Variants in APAF1 observed in about 807,000 individuals in gnomAD.
APAF1 encodes the protein apoptotic protease-activating factor 1.
In APAF1, 91 loss-of-function variants were observed where a neutral mutation model predicts 152.4. The observed-to-expected ratio is 0.60, with a 90% CI of 0.50 to 0.71. The LOEUF (loss-of-function observed/expected upper bound fraction) is 0.71, where lower values mean the gene tolerates loss of function less well. Among genes scored for constraint, APAF1 ranks in the 30% least tolerant of loss-of-function variants. APAF1 has a pLI of 0.00. For missense variants in APAF1, 1,283 were observed against 1,472.0 expected (o/e 0.87, Z 2.10); for synonymous variants, 484 against 494.1 (o/e 0.98, Z 0.27).
intron 16 of APAF1, among the ~76,000 whole-genome samples, chr12:98,695,149 T>G (rs750711057): frequency 6.0e-5 from 9 of 149,894 alleles, no homozygotes. Context: ...GCCTTTTGGG[T>G]TCAAGCAGTT....
At position 98,727,250 on chromosome 12, in the gene APAF1, C is replaced by T; in HGVS notation, c.3534C>T (p.Gly1178=). Reference sequence around the variant, plus strand: ...AAGAAGGAGCTGCTACCCATGGAGGCTGGGTGACTGACCTTTGCTTTTCTC... The same window carrying T: ...AAGAAGGAGCTGCTACCCATGGAGGTTGGGTGACTGACCTTTGCTTTTCTC... ...LSEEGAATHG[G]WVTDLCFSPD... Residue 1178 remains glycine (G), a synonymous_variant, in exon 26 of 27, where the codon GGC becomes GGT. Coordinates refer to ENST00000551964, the MANE Select transcript of APAF1 (RefSeq NM_181861.2). 6.2e-7 allele frequency: 1 copy of T among 1,614,010 alleles called. No homozygotes were observed. The highest frequency in any genetic ancestry group is 1.3e-5 in the African/African-American group (1 of 75,004).
At chr12:98,729,631 A>G (rs558724107) in intron 26 of APAF1, among the ~76,000 whole-genome samples, 293 of 152,374 alleles carry the variant, frequency 1.9e-3, no homozygotes, top group African/African-American at 6.3e-3. Flanking sequence ...AAGCTTTTTC[A>G]TTCAAAATTG....
At chr12:98,694,653 A>T (rs1429457199) in intron 16 of APAF1, among the ~76,000 whole-genome samples, 1 of 151,932 alleles carries the variant, frequency 6.6e-6, no homozygotes, top group Non-Finnish European at 1.5e-5. Context: ...TTTTATGGGC[A>T]TTAGTAATAG....
At chr12:98,654,447 C>G (rs1351732345) in intron 4 of APAF1, among the ~76,000 whole-genome samples, 1 of 152,006 alleles carries the variant, frequency 6.6e-6, no homozygotes, top group East Asian at 1.9e-4. Flanking sequence ...TGAGACAGAG[C>G]CCCATTCTGA....
In APAF1 at chr12:98,677,438, A is replaced by T. The variant is rs1356953024; in HGVS notation, c.1807A>T (p.Ile603Phe). Reference protein sequence around the residue: ...LYLEWINKKNITNLSRLVVRP... With the variant: ...LYLEWINKKNFTNLSRLVVRP... ...CCCTGTATTTAGAAACAAAAAAAAC[A>T]TCACGAATCTTTCCCGCTTAGTTGT... is the stretch of plus-strand genomic sequence containing the variant. The change falls in exon 13 of 27, where the codon ATC becomes TTC. Residue 603 changes from isoleucine to phenylalanine, a missense_variant. Coordinates refer to ENST00000551964, the MANE Select transcript of APAF1 (RefSeq NM_181861.2). The T allele has an allele frequency of 6.2e-7, 1 of 1,614,080 alleles. No homozygotes were observed. The highest frequency in any genetic ancestry group is 1.1e-5 in the South Asian group (1 of 91,070).
rs773341738 is a variant in APAF1 at position 98,659,348 on chromosome 12, C to T, written c.710+5C>T. 2.9e-5 allele frequency: 47 copies of T among 1,614,050 alleles called. No individual in the cohort carries two copies. The highest frequency in any genetic ancestry group is 3.8e-5 in the Non-Finnish European group (45 of 1,179,954). On this transcript the variant is annotated splice_donor_5th_base_variant and intron_variant, in intron 5 of 26. Coordinates refer to ENST00000551964, the MANE Select transcript of APAF1 (RefSeq NM_181861.2). ...GATGCTTCGCAAACACCCAAGGTAC[C>T]GATGGTCAAATTTAGTTGGTGTGTC...
chr12:98,717,450 G>A (rs2097736241), intron 22 of APAF1, among the ~76,000 whole-genome samples: 1 of 150,156 alleles, frequency 6.7e-6, no homozygotes, highest in Non-Finnish European at 1.5e-5. Flanking sequence ...ACCTTGGCTT[G>A]CTGCAACCTC....
intron 7 of APAF1, among the ~76,000 whole-genome samples, chr12:98,665,245 T>C (rs2372445): frequency 0.9 from 120,925 of 134,288 alleles, 54,661 homozygotes; most frequent in African/African-American, 0.94. Flanking sequence ...TTATATTGCT[T>C]AGACTGGCGC....
At chr12:98,727,396 A>T in intron 26 of APAF1, 80 bp downstream of exon 26, 13 of 1,530,692 alleles carry the variant, frequency 8.5e-6, no homozygotes, top group Non-Finnish European at 1.2e-5. Flanking sequence ...CCTGTTTCTC[A>T]GTTGGGCCTT....
intron 16 of APAF1, among the ~76,000 whole-genome samples, chr12:98,688,565 G>T (rs1161721501): frequency 1.4e-5 from 2 of 148,034 alleles, no homozygotes; most frequent in Admixed American, 1.4e-4. Context: ...TTCACTTCTG[G>T]TCTCAAGCAG....
intron 24 of APAF1, 42 bp from the exon 25 acceptor site, chr12:98,725,373 G>A: frequency 6.2e-7 from 1 of 1,612,766 alleles, no homozygotes; most frequent in South Asian, 1.1e-5. Flanking sequence ...TGCTTATTTT[G>A]AGTGTTTATA....
At chr12:98,708,803 T>C in intron 20 of APAF1, 99 bp downstream of exon 20, 4 of 1,238,132 alleles carry the variant, frequency 3.2e-6, no homozygotes, top group South Asian at 1.3e-5. Context: ...ATAATTATTT[T>C]GTATCTAACA....
intron 12 of APAF1, among the ~76,000 whole-genome samples, chr12:98,675,607 G>C (rs369329547): frequency 6.6e-6 from 1 of 152,150 alleles, no homozygotes; most frequent in Admixed American, 6.5e-5. Flanking sequence ...TGTTTACATA[G>C]CATTTACATT....
chr12:98,664,853 A>G (rs957288448), intron 7 of APAF1, among the ~76,000 whole-genome samples: 1 of 151,346 alleles, frequency 6.6e-6, no homozygotes, highest in South Asian at 2.1e-4. Context: ...CCCTTTTTCT[A>G]TATCTTGAGC....
chr12:98,732,565 A>C lies in APAF1; in HGVS notation c.3746A>C (p.Ter1249SerextTer3). Residue 1249 changes from the stop codon to serine (S), a stop_lost, in exon 27 of 27, where the codon TAA becomes TCA. Coordinates refer to ENST00000551964, the MANE Select transcript of APAF1 (RefSeq NM_181861.2). ...TTATATATTTTACAGACTTTAGAAT[A>C]AAATAGTTAAGCATTAATGTAGTTG... ...GILYILQTLE[*>S] is the part of the protein sequence containing the mutation. 1 of 1,551,228 alleles carries C rather than the reference A, an allele frequency of 6.4e-7. No individual in the cohort carries two copies. The highest frequency in any genetic ancestry group is 8.9e-7 in the Non-Finnish European group (1 of 1,125,062).
At position 98,658,639 on chromosome 12, in the gene APAF1, G is replaced by A. The variant is rs76371171; in HGVS notation, c.527-521G>A. On this transcript the variant is annotated intron_variant, in intron 4 of 26. Coordinates refer to ENST00000551964, the MANE Select transcript of APAF1 (RefSeq NM_181861.2). ...ATAATGGGTGAGTTATATGTTCCAG[G>A]ACATCAGTAGTTCTCAACGAGGGGT... is the stretch of plus-strand genomic sequence containing the variant. 9.8e-3 allele frequency among the ~76,000 whole-genome samples: 1,497 copies of A among 152,234 alleles called. 10 individuals carry two copies. The highest frequency in any genetic ancestry group is 0.017 in the Non-Finnish European group (1,151 of 68,026).
At chr12:98,660,581 G>C (rs2097663776) in intron 5 of APAF1, among the ~76,000 whole-genome samples, 2 of 152,172 alleles carry the variant, frequency 1.3e-5, no homozygotes, top group Non-Finnish European at 2.9e-5. Flanking sequence ...CAGTTTAGTT[G>C]CTGCTTGTCT....
chr12:98,695,489 T>C (rs2097708903), intron 16 of APAF1, among the ~76,000 whole-genome samples: 2 of 152,158 alleles, frequency 1.3e-5, no homozygotes, highest in East Asian at 1.9e-4. Flanking sequence ...CTTAGCCTCC[T>C]GAGGAGCTGG....
chr12:98,646,492 C>T (rs2097640643), intron 1 of APAF1, among the ~76,000 whole-genome samples: 2 of 152,280 alleles, frequency 1.3e-5, no homozygotes, highest in Non-Finnish European at 2.9e-5. Flanking sequence ...ATTATTGCCC[C>T]CTTCTGTGAG....
Sources: allele counts gnomAD v4.1 joint callset (sites outside exome capture counted in the v4.1 genomes callset), GRCh38; gene constraint gnomAD v4.1.1; transcripts MANE v1.5; gene names NCBI Gene and HGNC (gene_info 2026-07-23, HGNC 2026-07-21).